KAZN: variants seen among roughly 807,000 people sequenced by gnomAD.
KAZN encodes the protein kazrin, periplakin interacting protein, also known as kazrin.
KAZN carries 40 observed loss-of-function variants against 87.4 expected under a neutral mutation model. The ratio of observed to expected loss-of-function variants is 0.46; its 90% CI spans 0.36 to 0.60. The LOEUF is 0.60. Ranked by LOEUF, KAZN falls within the 20% of genes least tolerant of loss-of-function variation. The pLI, the probability that KAZN is intolerant of heterozygous loss-of-function variation, is 0.00. For synonymous variants in KAZN, 466 were observed against 458.3 expected (o/e 1.02, Z -0.22); for missense variants, 898 against 1,073.9 (o/e 0.84, Z 2.29).
chr1:13,895,802 G>T (rs568855587), intron 1 of KAZN, among the ~76,000 whole-genome samples: 1 of 152,094 alleles, frequency 6.6e-6, no homozygotes, highest in Non-Finnish European at 1.5e-5. Context: ...TACTGTGCAC[G>T]GTGCCAGGAA....
chr1:14,584,659 T>TC (rs1474841034), intron 2 of KAZN, among the ~76,000 whole-genome samples: 2 of 151,986 alleles, frequency 1.3e-5, no homozygotes, highest in African/African-American at 2.4e-5. Context: ...CTTTTTTTTT[T>TC]TGAGACAAAG....
chr1:14,072,347 G>T (rs1458867741), intron 1 of KAZN, among the ~76,000 whole-genome samples: 3 of 152,174 alleles, frequency 2.0e-5, no homozygotes, highest in Non-Finnish European at 4.4e-5. Context: ...ACTTGGTTCT[G>T]AGTCAAGAGA....
At chr1:14,550,524 A>G (rs1673432813) in intron 2 of KAZN, among the ~76,000 whole-genome samples, 1 of 151,958 alleles carries the variant, frequency 6.6e-6, no homozygotes, top group East Asian at 1.9e-4. Flanking sequence ...CTGTTTCTTA[A>G]ATTTTCTATT....
chr1:15,011,584 T>C (rs1210827526), intron 2 of KAZN, among the ~76,000 whole-genome samples: 2 of 152,118 alleles, frequency 1.3e-5, no homozygotes, highest in South Asian at 2.1e-4. Context: ...TACCTACTTA[T>C]TGCATTGATT....
chr1:14,712,416 C>T (rs1282976046), intron 1 of KAZN, among the ~76,000 whole-genome samples: 1 of 152,184 alleles, frequency 6.6e-6, no homozygotes, highest in East Asian at 1.9e-4. Flanking sequence ...CACTGAGATG[C>T]TGTGTGGGTT....
intron 1 of KAZN, among the ~76,000 whole-genome samples, chr1:14,742,389 C>T (rs78927537): frequency 6.6e-6 from 1 of 152,220 alleles, no homozygotes; most frequent in Non-Finnish European, 1.5e-5. Context: ...GAAGCTTATT[C>T]ATTCATTGAG....
At chr1:14,274,044 C>A (rs1652158964) in intron 2 of KAZN, among the ~76,000 whole-genome samples, 1 of 152,154 alleles carries the variant, frequency 6.6e-6, no homozygotes, top group African/African-American at 2.4e-5. Context: ...TGTTTCTTTC[C>A]AGGGTACCCG....
chr1:15,065,735 G>T lies in KAZN; in HGVS notation c.1204G>T (p.Asp402Tyr). 1 of 1,614,218 alleles carries T rather than the reference G, an allele frequency of 6.2e-7. No homozygotes were observed. Among genetic ancestry groups the T allele is most frequent in the Non-Finnish European group, 8.5e-7 (1 of 1,180,022 alleles). ...CAGAGGGAAGCAGCGGAAGTCCCTCGACCCCGGCCTCTTTGATGGTACCGC... is the reference window on the plus strand; with the variant it reads ...CAGAGGGAAGCAGCGGAAGTCCCTCTACCCCGGCCTCTTTGATGGTACCGC... The part of the protein sequence containing the change: ...FARGKQRKSL[D>Y]PGLFDDSDSQ... The change falls in exon 8 of 15, where the codon GAC becomes TAC. Residue 402 changes from aspartate (D) to tyrosine (Y), a missense_variant. This residue lies in a region of KAZN where 521 missense variants were observed against 689.4 expected (regional missense o/e 0.76). Coordinates refer to ENST00000376030, the MANE Select transcript of KAZN (RefSeq NM_201628.3).
At chr1:14,557,630 GT>G (rs1382519697) in intron 2 of KAZN, among the ~76,000 whole-genome samples, 218 of 6,400 alleles carry the variant, frequency 0.034, no homozygotes, top group African/African-American at 0.059. Context: ...GTGTGTGTGG[GT>G]GTGTGTGTGT....
intron 1 of KAZN, among the ~76,000 whole-genome samples, chr1:14,832,987 G>A (rs1647094620): frequency 1.3e-5 from 2 of 152,110 alleles, no homozygotes; most frequent in African/African-American, 4.8e-5. Flanking sequence ...TTGCACAGCT[G>A]AAAAGATATT....
At chr1:14,090,793 G>A (rs1643958967) in intron 1 of KAZN, among the ~76,000 whole-genome samples, 1 of 152,128 alleles carries the variant, frequency 6.6e-6, no homozygotes. Context: ...TTCCTCCCAT[G>A]TGAACACAGA....
chr1:13,990,798 C>T (rs1639244133), intron 1 of KAZN, among the ~76,000 whole-genome samples: 1 of 152,078 alleles, frequency 6.6e-6, no homozygotes, highest in African/African-American at 2.4e-5. Flanking sequence ...AATGGACAAA[C>T]GAATATACCT....
intron 2 of KAZN, among the ~76,000 whole-genome samples, chr1:14,554,068 C>T (rs1673713043): frequency 6.6e-6 from 1 of 152,140 alleles, no homozygotes; most frequent in Admixed American, 6.5e-5. Flanking sequence ...AGCTGAGTCC[C>T]AGCACTGGCC....
chr1:13,920,959 A>T (rs1640043351), intron 1 of KAZN, among the ~76,000 whole-genome samples: 3 of 152,160 alleles, frequency 2.0e-5, no homozygotes, highest in Non-Finnish European at 4.4e-5. Flanking sequence ...TGTACAGCTC[A>T]GAGGAATGTG....
intron 1 of KAZN, among the ~76,000 whole-genome samples, chr1:14,775,986 C>T (rs886744832): frequency 6.6e-6 from 1 of 152,206 alleles, no homozygotes; most frequent in Admixed American, 6.5e-5. Context: ...CTCTCCTGGA[C>T]TTCCACTGTG....
chr1:14,076,039 T>A (rs185786189), intron 1 of KAZN, among the ~76,000 whole-genome samples: 1 of 152,234 alleles, frequency 6.6e-6, no homozygotes, highest in Non-Finnish European at 1.5e-5. Context: ...CCCAGCACTT[T>A]GGGAGGCTGA....
At chr1:14,561,009 A>G (rs1333215376) in intron 2 of KAZN, among the ~76,000 whole-genome samples, 2 of 152,144 alleles carry the variant, frequency 1.3e-5, no homozygotes, top group African/African-American at 4.8e-5. Flanking sequence ...CCATTAACAC[A>G]AGCCCTCCCT....
At chr1:14,543,809 G>C (rs566964328) in intron 2 of KAZN, among the ~76,000 whole-genome samples, 2 of 152,092 alleles carry the variant, frequency 1.3e-5, no homozygotes, top group Non-Finnish European at 2.9e-5. Flanking sequence ...ATACATTAGC[G>C]CTGCTCCTGT....
intron 1 of KAZN, among the ~76,000 whole-genome samples, chr1:14,863,469 C>T (rs1257466840): frequency 6.6e-6 from 1 of 152,198 alleles, no homozygotes; most frequent in Admixed American, 6.5e-5. Context: ...AGAGAGGGCC[C>T]AGCCAATGGG....
Sources: gnomAD v4.1 joint callset for allele counts (sites outside exome capture counted in the v4.1 genomes callset) on GRCh38, gnomAD v4.1.1 for gene constraint, gnomAD v4.1.1 regional missense constraint, MANE v1.5 for transcripts, NCBI Gene and HGNC (gene_info 2026-07-23, HGNC 2026-07-21) for gene names.